Variants in MPI observed in about 807,000 individuals in gnomAD.
The protein encoded by MPI is mannose-6-phosphate isomerase.
A neutral mutation model predicts 40.1 loss-of-function variants in MPI; 33 were observed. The ratio of observed to expected loss-of-function variants is 0.82; its 90% CI spans 0.62 to 1.10. MPI has a LOEUF of 1.10. Among genes scored for constraint, MPI ranks in the 50% least tolerant of loss-of-function variants. The pLI is 0.00. For synonymous variants in MPI, 187 were observed against 207.4 expected (o/e 0.90, Z 0.85); for missense variants, 514 against 524.1 (o/e 0.98, Z 0.19).
At chr15:74,894,719 G>A (rs893184674) in intron 5 of MPI, among the ~76,000 whole-genome samples, 1 of 150,694 alleles carries the variant, frequency 6.6e-6, no homozygotes, top group African/African-American at 2.4e-5. Context: ...CCCAGGAGGT[G>A]GAGGTTGCAG....
intron 5 of MPI, among the ~76,000 whole-genome samples, chr15:74,894,098 GTGTGTGTGT>G: frequency 5.2e-5 from 1 of 19,106 alleles, no homozygotes; most frequent in Non-Finnish European, 9.5e-5. Context: ...GTGTGTGTGT[GTGTGTGTGT>G]GGTCTCTTTC....
At position 74,896,589 on chromosome 15, in the gene MPI, A is replaced by G. The variant is rs138302446; in HGVS notation, c.844+264A>G. On this transcript the variant is annotated intron_variant, in intron 6 of 7. Coordinates refer to ENST00000352410, the MANE Select transcript of MPI (RefSeq NM_002435.3). ...CCTGCCAGTCAGTGTGGGAACCACA[A>G]TTTGAACGCAGGCTATATTGGATCA... 3.7e-3 allele frequency: 2,393 copies of G among 641,778 alleles called. 15 individuals are homozygous for G. Among genetic ancestry groups the G allele is most frequent in the Non-Finnish European group, 3.4e-3 (1,219 of 356,620 alleles). 39.8% of individuals were successfully genotyped at this position (641,778 alleles called of 1,614,324 possible). A position where few individuals can be genotyped will look rare whatever the true frequency, so the allele number is the denominator to read the frequency against.
intron 7 of MPI, 115 bp downstream of exon 7, chr15:74,897,334 TG>T: frequency 7.2e-7 from 1 of 1,397,836 alleles, no homozygotes; most frequent in South Asian, 1.2e-5. Context: ...TGGCGGAGGG[TG>T]GCCCCAGGGC....
chr15:74,896,119 C>T (rs1396338993), intron 5 of MPI, 33 bp from the exon 6 acceptor site: 1 of 1,612,804 alleles, frequency 6.2e-7, no homozygotes, highest in African/African-American at 1.3e-5. Context: ...GAGTATCCCC[C>T]TAAGTGACCT....
rs1038622126 is a variant in MPI at position 74,893,277 on chromosome 15, G to T, written c.627G>T (p.Val209=). ...SHLMKSEKKV[V]VEQLNLLVKR... ...TGATGAAGAGTGAGAAGAAGGTGGT[G>T]GTGGAACAGCTCAACCTGTTGGTGA... The change falls in exon 5 of 8, where the codon GTG becomes GTT. Residue 209 remains valine (V), a synonymous_variant. Coordinates refer to ENST00000352410, the MANE Select transcript of MPI (RefSeq NM_002435.3). 1.2e-6 allele frequency: 2 copies of T among 1,614,106 alleles called. No homozygotes were observed. The highest frequency in any genetic ancestry group is 2.7e-5 in the African/African-American group (2 of 74,938).
Position 74,897,502 on chromosome 15 carries a change from TC to T in MPI, c.1054-8del. ...TGAGCTGCACTGCCTTATCATTTCT[TC>T]CTGCCCAGGTCCCTGGCTCTGTCAC... is the stretch of plus-strand genomic sequence containing the variant. On this transcript the variant is annotated splice_polypyrimidine_tract_variant and intron_variant, in intron 7 of 7. Transcript: ENST00000352410. 1 of 1,613,652 alleles carries T rather than the reference TC, an allele frequency of 6.2e-7. No homozygotes were observed. Among genetic ancestry groups the T allele is most frequent in the Non-Finnish European group, 8.5e-7 (1 of 1,179,632 alleles).
Position 74,892,730 on chromosome 15 carries a change from G to GC in MPI, c.417dup (p.Ile140HisfsTer16). The GC allele has an allele frequency of 6.2e-7, 1 of 1,614,254 alleles. No individual in the cohort carries two copies. The highest frequency in any genetic ancestry group is 8.5e-7 in the Non-Finnish European group (1 of 1,180,048). ...CGATGCCAACCACAAGCCAGAGATG[G>GC]CCATTGCCCTCACCCCCTTCCAGGG... On this transcript the variant is annotated frameshift_variant, in exon 4 of 8. Transcript: ENST00000352410. LOFTEE classifies it high-confidence loss of function.
chr15:74,897,358 T>C (rs2064835655), intron 7 of MPI, 139 bp downstream of exon 7: 4 of 1,314,080 alleles, frequency 3.0e-6, no homozygotes, highest in Non-Finnish European at 4.3e-6. Context: ...GCCCATTCCT[T>C]CCTGTACCAG....
At position 74,897,768 on chromosome 15, in the gene MPI, C is replaced by T. The variant is rs749338576; in HGVS notation, c.*38C>T. ...CCCCAGCTCTCCTCTGCCAGCCACC[C>T]TAAATTCCAGCCAACCTCACCTCCT... On this transcript the variant is annotated 3_prime_UTR_variant, in exon 8 of 8. Transcript: ENST00000352410. The T allele has an allele frequency of 1.1e-5, 18 of 1,601,294 alleles. No homozygotes were observed. The highest frequency in any genetic ancestry group is 1.5e-5 in the Non-Finnish European group (18 of 1,169,884).
chr15:74,896,444 C>A, intron 6 of MPI, 119 bp downstream of exon 6: 1 of 1,162,984 alleles, frequency 8.6e-7, no homozygotes, highest in Non-Finnish European at 1.3e-6. Context: ...CAGCTCTGAC[C>A]TCTGAGGGTT....
At chr15:74,893,450 C>A in intron 5 of MPI, 130 bp downstream of exon 5, 2 of 965,430 alleles carry the variant, frequency 2.1e-6, no homozygotes, top group Non-Finnish European at 3.3e-6. Context: ...ACTTAGATGA[C>A]CTGTTGGCAA....
intron 5 of MPI, among the ~76,000 whole-genome samples, chr15:74,894,035 G>GTTTT (rs1555478714): frequency 1.1e-5 from 1 of 90,846 alleles, no homozygotes; most frequent in Non-Finnish European, 2.8e-5. Flanking sequence ...ATTTTTTTCT[G>GTTTT]TTCAGTGTGT....
In MPI at chr15:74,898,354, G is replaced by C; in HGVS notation, c.*624G>C. ...TTCATACAGCTTCTCGGGGGAGTGA[G>C]CAGGCTACACTCCAGAACACCGGTA... On this transcript the variant is annotated 3_prime_UTR_variant, in exon 8 of 8. Coordinates refer to ENST00000352410, the MANE Select transcript of MPI (RefSeq NM_002435.3). 5.6e-6 allele frequency: 1 copy of C among 177,524 alleles called. No individual in the cohort carries two copies. The highest frequency in any genetic ancestry group is 5.4e-5 in the Admixed American group (1 of 18,688). The allele number at this position is 177,524 out of a possible 1,614,324, so 11.0% of individuals were successfully genotyped here.
Position 74,893,140 on chromosome 15 carries a change from G to A in MPI, c.490G>A (p.Val164Met). The A allele has an allele frequency of 6.2e-7, 1 of 1,613,834 alleles. No homozygotes were observed. Among genetic ancestry groups the A allele is most frequent in the South Asian group, 1.1e-5 (1 of 91,066 alleles). The change falls in exon 5 of 8, where the codon GTG becomes ATG. Residue 164 changes from valine (V) to methionine (M), a missense_variant and splice_region_variant. Val to Met is a conservative substitution (Grantham distance 21). Transcript: ENST00000352410. Reference sequence around the variant, plus strand: ...CCCTGGGCCTTGCCTTCCTGTAGAGGTGCCTGAGTTTCAGTTCCTGATTGG... The same window carrying A: ...CCCTGGGCCTTGCCTTCCTGTAGAGATGCCTGAGTTTCAGTTCCTGATTGG... The part of the protein sequence containing the change: ...VEEIVTFLKK[V>M]PEFQFLIGDE...
intron 3 of MPI, 94 bp downstream of exon 3, chr15:74,891,673 G>A: frequency 1.4e-6 from 2 of 1,408,304 alleles, no homozygotes; most frequent in Non-Finnish European, 2.0e-6. Context: ...CCCCACCCAT[G>A]CCAGGCTCCT....
Position 74,890,641 on chromosome 15 carries a change from A to T in MPI, c.131A>T (p.Lys44Met). 1.2e-6 allele frequency: 2 copies of T among 1,613,958 alleles called. No homozygotes were observed. The highest frequency in any genetic ancestry group is 8.5e-7 in the Non-Finnish European group (1 of 1,180,020). The stretch of plus-strand genomic sequence containing the variant: ...CCACTGGCCCAGATCGCAGAGGACA[A>T]GCCTTATGCAGAGGTGAGCCCCGGG... The part of the protein sequence containing the change: ...SDPLAQIAED[K>M]PYAELWMGTH... The change falls in exon 2 of 8, where the codon AAG becomes ATG. Residue 44 changes from lysine (K) to methionine (M), a missense_variant. Physicochemically the swap from Lys to Met is moderately conservative, Grantham distance 95. Coordinates refer to ENST00000352410, the MANE Select transcript of MPI (RefSeq NM_002435.3).
chr15:74,892,950 C>A, intron 4 of MPI, 148 bp downstream of exon 4: 1 of 1,374,698 alleles, frequency 7.3e-7, no homozygotes. Context: ...TGAGCCAGGC[C>A]AGTGAGACCA....
At chr15:74,895,768 T>C in intron 5 of MPI, 1 of 202,172 alleles carries the variant, frequency 4.9e-6, no homozygotes, top group Non-Finnish European at 1.0e-5. Context: ...TGGCATCTTG[T>C]GGGTGGAGGC....
Position 74,899,782 on chromosome 15 carries a change from C to G in MPI, c.*2052C>G, listed in dbSNP as rs1311319382. The G allele has an allele frequency of 1.3e-5, 2 of 152,228 alleles. No individual in the cohort carries two copies. Among genetic ancestry groups the G allele is most frequent in the African/African-American group, 4.8e-5 (2 of 41,434 alleles). The allele number at this position is 152,228 out of a possible 1,614,324, so 9.4% of individuals were successfully genotyped here. A position where few individuals can be genotyped will look rare whatever the true frequency, so the allele number is the denominator to read the frequency against. Reference sequence around the variant, plus strand: ...GGACTACAGGCGCCTGCCACCACACCCAGCTAAGTTTTTGTATTTTTAGTA... The same window carrying G: ...GGACTACAGGCGCCTGCCACCACACGCAGCTAAGTTTTTGTATTTTTAGTA... On this transcript the variant is annotated 3_prime_UTR_variant, in exon 8 of 8. Transcript: ENST00000352410.
Sources: allele counts gnomAD v4.1 joint callset (sites outside exome capture counted in the v4.1 genomes callset), GRCh38; gene constraint gnomAD v4.1.1; transcripts MANE v1.5; gene names NCBI Gene and HGNC (gene_info 2026-07-23, HGNC 2026-07-21).